The following BTRC variants were observed in gnomAD, a reference collection of about 807,000 sequenced individuals.
BTRC encodes F-box/WD repeat-containing protein 1A.
A neutral mutation model predicts 85.5 loss-of-function variants in BTRC; 42 were observed. The observed-to-expected ratio is 0.49, with a 90% CI of 0.38 to 0.64. The LOEUF is 0.64. Ranked by LOEUF, BTRC falls within the 30% of genes least tolerant of loss-of-function variation. BTRC has a pLI of 0.00. For missense variants in BTRC, 594 were observed against 743.5 expected (o/e 0.80, Z 2.34); for synonymous variants, 255 against 263.3 (o/e 0.97, Z 0.30).
At chr10:101,512,381 A>G (rs1029506020) in intron 4 of BTRC, among the ~76,000 whole-genome samples, 3 of 152,172 alleles carry the variant, frequency 2.0e-5, no homozygotes, top group African/African-American at 4.8e-5. Context: ...CTTTCTTGTC[A>G]TAAATACTTT....
chr10:101,429,484 T>TTCTTCC (rs1944342134), intron 1 of BTRC, among the ~76,000 whole-genome samples: 1 of 148,300 alleles, frequency 6.7e-6, no homozygotes, highest in Non-Finnish European at 1.5e-5. Context: ...AGGTGTCGTC[T>TTCTTCC]TCTTCCTCTT....
chr10:101,371,209 G>A, intron 1 of BTRC, among the ~76,000 whole-genome samples: 1 of 151,536 alleles, frequency 6.6e-6, no homozygotes, highest in Non-Finnish European at 1.5e-5. Context: ...CCCAGAGACG[G>A]AGTCTTGCTC....
At chr10:101,376,596 G>T (rs916949221) in intron 1 of BTRC, among the ~76,000 whole-genome samples, 1 of 152,122 alleles carries the variant, frequency 6.6e-6, no homozygotes, top group Admixed American at 6.6e-5. Flanking sequence ...AATAAAACTG[G>T]TAGTTTTTCC....
intron 5 of BTRC, among the ~76,000 whole-genome samples, chr10:101,523,557 A>T (rs938147899): frequency 2.0e-5 from 3 of 152,188 alleles, no homozygotes; most frequent in African/African-American, 7.2e-5. Context: ...GTTGTTTTCC[A>T]ATTATAGAAG....
intron 2 of BTRC, among the ~76,000 whole-genome samples, chr10:101,450,463 T>C (rs1393798269): frequency 2.0e-5 from 3 of 152,326 alleles, no homozygotes; most frequent in East Asian, 3.9e-4. Flanking sequence ...ATCTCTTCTA[T>C]CCTTCTTATC....
rs1383479746 is a variant in BTRC at position 101,414,509 on chromosome 10, T to A, written c.49-15836T>A. On this transcript the variant is annotated intron_variant, in intron 1 of 14. Coordinates refer to ENST00000370187, the MANE Select transcript of BTRC (RefSeq NM_033637.4). Reference sequence around the variant, plus strand: ...TATGTACTTACTGTACAGTATTTTTTATTGTTATTTTAGAGTGGGCTACTT... The same window carrying A: ...TATGTACTTACTGTACAGTATTTTTAATTGTTATTTTAGAGTGGGCTACTT... 5 of 348,770 alleles carry A rather than the reference T, an allele frequency of 1.4e-5. No homozygotes were observed. In the Admixed American group the frequency reaches 1.9e-4, roughly 13 times the overall value. The allele number at this position is 348,770 out of a possible 1,614,324, so 21.6% of individuals were successfully genotyped here.
intron 5 of BTRC, among the ~76,000 whole-genome samples, 154 bp downstream of exon 5, chr10:101,522,024 T>C (rs1392335604): frequency 2.9e-5 from 2 of 69,806 alleles, no homozygotes; most frequent in African/African-American, 4.6e-5. Context: ...CTTTTTTTTT[T>C]TTTTTTTTTT....
At chr10:101,364,261 C>A (rs1448363843) in intron 1 of BTRC, among the ~76,000 whole-genome samples, 1 of 152,104 alleles carries the variant, frequency 6.6e-6, no homozygotes, top group Non-Finnish European at 1.5e-5. Context: ...TAATGTAATA[C>A]AGCAGATTTC....
chr10:101,425,691 T>A (rs1016714546), intron 1 of BTRC, among the ~76,000 whole-genome samples: 1 of 151,710 alleles, frequency 6.6e-6, no homozygotes, highest in Non-Finnish European at 1.5e-5. Flanking sequence ...ACGCCTGTAG[T>A]CCCAGCTACT....
chr10:101,379,423 C>T (rs1431958448), intron 1 of BTRC, among the ~76,000 whole-genome samples: 3 of 152,082 alleles, frequency 2.0e-5, no homozygotes, highest in Non-Finnish European at 4.4e-5. Context: ...AAGAATTAGA[C>T]GTGATTTATC....
chr10:101,457,893 C>T (rs1357852215), intron 2 of BTRC, among the ~76,000 whole-genome samples: 2 of 152,138 alleles, frequency 1.3e-5, no homozygotes, highest in Non-Finnish European at 2.9e-5. Flanking sequence ...AATCTCCTTA[C>T]ACCCTTTCAC....
At chr10:101,430,177 G>A (rs1204622472) in intron 1 of BTRC, among the ~76,000 whole-genome samples, 168 bp from the exon 2 acceptor site, 2 of 152,166 alleles carry the variant, frequency 1.3e-5, no homozygotes, top group South Asian at 4.1e-4. Flanking sequence ...CCCCTTTTGG[G>A]ATTCTCTCTG....
intron 1 of BTRC, among the ~76,000 whole-genome samples, chr10:101,403,525 T>A (rs1943539199): frequency 6.6e-6 from 1 of 152,184 alleles, no homozygotes; most frequent in Non-Finnish European, 1.5e-5. Flanking sequence ...GTTGAGACCA[T>A]CCAGTGAGTT....
chr10:101,539,996 T>C (rs2062442114), intron 13 of BTRC, among the ~76,000 whole-genome samples: 1 of 152,248 alleles, frequency 6.6e-6, no homozygotes, highest in African/African-American at 2.4e-5. Context: ...TATTGAGTTT[T>C]GAGATTCTTT....
intron 4 of BTRC, among the ~76,000 whole-genome samples, chr10:101,517,786 A>T (rs191397012): frequency 5.8e-4 from 89 of 152,324 alleles, no homozygotes; most frequent in Non-Finnish European, 1.0e-3. Flanking sequence ...CCAGTCGATC[A>T]GCAAATTCAG....
intron 1 of BTRC, among the ~76,000 whole-genome samples, chr10:101,383,955 T>C (rs1000369566): frequency 6.6e-6 from 1 of 152,210 alleles, no homozygotes; most frequent in African/African-American, 2.4e-5. Flanking sequence ...TCAAAAGTGA[T>C]TCTTCCGTCT....
chr10:101,373,352 G>T (rs980485034), intron 1 of BTRC, among the ~76,000 whole-genome samples: 19 of 152,192 alleles, frequency 1.2e-4, no homozygotes, highest in African/African-American at 3.9e-4. Flanking sequence ...CTACGCAAGA[G>T]ACTGGGCTTG....
At chr10:101,486,790 A>G (rs545635625) in intron 4 of BTRC, among the ~76,000 whole-genome samples, 2 of 152,316 alleles carry the variant, frequency 1.3e-5, no homozygotes, top group African/African-American at 4.8e-5. Flanking sequence ...CATGAAATAT[A>G]TATTCTTTAT....
At chr10:101,489,191 C>T (rs554579113) in intron 4 of BTRC, among the ~76,000 whole-genome samples, 3 of 151,982 alleles carry the variant, frequency 2.0e-5, no homozygotes, top group Admixed American at 6.6e-5. Flanking sequence ...CTTGTATGTA[C>T]CAATATTTTA....
Sources: allele counts gnomAD v4.1 joint callset (sites outside exome capture counted in the v4.1 genomes callset), GRCh38; gene constraint gnomAD v4.1.1; transcripts MANE v1.5; gene names NCBI Gene and HGNC (gene_info 2026-07-23, HGNC 2026-07-21).